Variants in SCD5 observed in about 807,000 individuals in gnomAD.
SCD5 encodes stearoyl-CoA desaturase 5, also known as acyl-CoA-desaturase 4.
SCD5 carries 20 observed loss-of-function variants against 30.4 expected under a neutral mutation model. That is an observed-to-expected ratio of 0.66 (90% CI 0.46 to 0.96). SCD5 has a LOEUF of 0.96. SCD5 is among the 40% of genes least tolerant of loss of function. The pLI, the probability that SCD5 is intolerant of heterozygous loss-of-function variation, is 0.00. For missense variants in SCD5, 381 were observed against 443.3 expected, an observed-to-expected ratio of 0.86 and a Z score of 1.26; for synonymous variants, 173 against 176.4, an observed-to-expected ratio of 0.98 and a Z score of 0.16.
intron 1 of SCD5, among the ~76,000 whole-genome samples, chr4:82,752,852 A>G (rs1021854648): frequency 6.6e-6 from 1 of 152,158 alleles, no homozygotes; most frequent in Admixed American, 6.5e-5. Context: ...CTACCCACCA[A>G]ATACTGCATC....
At chr4:82,643,316 T>C (rs894291836) in intron 3 of SCD5, among the ~76,000 whole-genome samples, 2 of 152,228 alleles carry the variant, frequency 1.3e-5, no homozygotes, top group Non-Finnish European at 2.9e-5. Flanking sequence ...TATGCCCATG[T>C]TGGTAGCAAC....
chr4:82,786,738 G>GC (rs1721995923), intron 1 of SCD5, among the ~76,000 whole-genome samples: 1 of 147,282 alleles, frequency 6.8e-6, no homozygotes, highest in Non-Finnish European at 1.5e-5. Flanking sequence ...GTTGCAGTGA[G>GC]CCGAGATCAC....
intron 3 of SCD5, among the ~76,000 whole-genome samples, chr4:82,679,024 CCT>C (rs2148820766): frequency 6.6e-6 from 1 of 151,486 alleles, no homozygotes; most frequent in African/African-American, 2.4e-5. Context: ...ATGGTGAAAC[CCT>C]GTCTCTACTA....
intron 1 of SCD5, among the ~76,000 whole-genome samples, chr4:82,741,639 C>T (rs1720874825): frequency 6.6e-6 from 1 of 152,102 alleles, no homozygotes; most frequent in Admixed American, 6.5e-5. Context: ...CACACTTTTG[C>T]CTTTGTCTCT....
rs138600962 is a variant in SCD5 at position 82,650,263 on chromosome 4, A to C, written c.570-13440T>G. On this transcript the variant is annotated intron_variant, in intron 3 of 4. Transcript: ENST00000319540. ...AGTCTAATGAGAGAGCTCTATGAGCAGATTATTTTAATATAAAATGATAAG... is the reference window on the plus strand; with the variant it reads ...AGTCTAATGAGAGAGCTCTATGAGCCGATTATTTTAATATAAAATGATAAG... Among the ~76,000 whole-genome samples the C allele has an allele frequency of 2.9e-3, 447 of 152,352 alleles. 3 individuals carry two copies. Among genetic ancestry groups the C allele is most frequent in the African/African-American group, 0.01 (417 of 41,588 alleles).
At chr4:82,636,450 C>T (rs558880583) in intron 4 of SCD5, 141 bp downstream of exon 4, 10 of 545,382 alleles carry the variant, frequency 1.8e-5, no homozygotes, top group African/African-American at 6.4e-5. Context: ...GACTCTATCT[C>T]GGAAAAAAAA....
At chr4:82,743,190 A>G (rs1292932790) in intron 1 of SCD5, among the ~76,000 whole-genome samples, 1 of 152,088 alleles carries the variant, frequency 6.6e-6, no homozygotes, top group Non-Finnish European at 1.5e-5. Context: ...TGTAACTTAG[A>G]GTGACAGGAG....
rs150201803 is a variant in SCD5, at chr4:82,776,123, T to C, written c.232+22183A>G. 17 of 158,690 alleles carry C rather than the reference T, an allele frequency of 1.1e-4. No homozygotes were observed. The East Asian group carries it at 2.8e-3, about 26-fold the overall frequency. 9.8% of individuals were successfully genotyped at this position (158,690 alleles called of 1,614,324 possible). ...TGTAAGAAGCTGAGTCCTTAAGGAC[T>C]GAAGAAAAACTATTCTCTGGAGAAA... On this transcript the variant is annotated intron_variant, in intron 1 of 4. Transcript: ENST00000319540.
intron 2 of SCD5, among the ~76,000 whole-genome samples, chr4:82,698,251 G>C (rs997676193): frequency 2.0e-5 from 3 of 152,190 alleles, no homozygotes; most frequent in Admixed American, 6.5e-5. Context: ...AGAACCCACA[G>C]AGAGCCACAT....
At chr4:82,767,386 C>T (rs1023050974) in intron 1 of SCD5, among the ~76,000 whole-genome samples, 27 of 152,138 alleles carry the variant, frequency 1.8e-4, no homozygotes, top group African/African-American at 6.3e-4. Flanking sequence ...TCTGTCTCCT[C>T]GACTCAAGGA....
At chr4:82,798,071 G>C (rs1722265827) in intron 1 of SCD5, among the ~76,000 whole-genome samples, 1 of 115,116 alleles carries the variant, frequency 8.7e-6, no homozygotes, top group Non-Finnish European at 2.0e-5. Flanking sequence ...CAGGCAGACC[G>C]CGGCGGGGTG....
intron 1 of SCD5, among the ~76,000 whole-genome samples, chr4:82,714,096 T>C (rs1578033999): frequency 2.6e-5 from 4 of 152,328 alleles, no homozygotes; most frequent in Admixed American, 2.6e-4. Context: ...CCTGTCTGTA[T>C]CATCAACACC....
At chr4:82,788,564 T>G (rs1036535849) in intron 1 of SCD5, among the ~76,000 whole-genome samples, 7 of 152,156 alleles carry the variant, frequency 4.6e-5, no homozygotes, top group Non-Finnish European at 8.8e-5. Flanking sequence ...CTAATTTTTG[T>G]ATTTTTAGTA....
intron 2 of SCD5, among the ~76,000 whole-genome samples, chr4:82,700,013 T>G (rs1287930698): frequency 6.6e-6 from 1 of 151,874 alleles, no homozygotes; most frequent in East Asian, 2.0e-4. Context: ...GGCCAGGAGT[T>G]TGAGACCAGC....
intron 1 of SCD5, among the ~76,000 whole-genome samples, chr4:82,797,648 A>G (rs1722253398): frequency 6.6e-6 from 1 of 152,022 alleles, no homozygotes; most frequent in Admixed American, 6.6e-5. Flanking sequence ...CGCTCTCGCC[A>G]TGGGATCGGT....
rs944664694 is a variant in SCD5, at chr4:82,798,521, G to A, written c.17C>T (p.Thr6Ile). Reference protein sequence around the residue: MPGPATDAGKIPFCDA... With the variant: MPGPAIDAGKIPFCDA... Reference sequence around the variant, plus strand: ...GCAGAAAGGGATCTTCCCCGCGTCGGTGGCCGGGCCTGGCATGGCTGGGCG... The same window carrying A: ...GCAGAAAGGGATCTTCCCCGCGTCGATGGCCGGGCCTGGCATGGCTGGGCG... The change falls in exon 1 of 5, where the codon ACC (threonine) becomes ATC (isoleucine). Residue 6 changes from threonine (T) to isoleucine (I), a missense_variant. Transcript: ENST00000319540. 6 of 1,600,662 alleles carry A rather than the reference G, an allele frequency of 3.7e-6. No homozygotes were observed. Among genetic ancestry groups the A allele is most frequent in the Non-Finnish European group, 4.3e-6 (5 of 1,174,292 alleles).
chr4:82,740,948 C>A (rs368124893), intron 1 of SCD5, among the ~76,000 whole-genome samples: 1 of 114,804 alleles, frequency 8.7e-6, no homozygotes, highest in African/African-American at 3.3e-5. Flanking sequence ...TTTTTTTTTT[C>A]TTTTGAGACA....
chr4:82,736,942 A>G (rs750459188), intron 1 of SCD5, among the ~76,000 whole-genome samples: 1 of 152,186 alleles, frequency 6.6e-6, no homozygotes, highest in Non-Finnish European at 1.5e-5. Context: ...TTGGGATTAC[A>G]GGTGTAAGCC....
chr4:82,770,295 T>A (rs911550504), intron 1 of SCD5, among the ~76,000 whole-genome samples: 1 of 152,126 alleles, frequency 6.6e-6, no homozygotes, highest in Non-Finnish European at 1.5e-5. Context: ...CACACCCCAA[T>A]TTATAAGAGA....
Sources: allele counts gnomAD v4.1 joint callset (sites outside exome capture counted in the v4.1 genomes callset), GRCh38; gene constraint gnomAD v4.1.1; transcripts MANE v1.5; gene names NCBI Gene and HGNC (gene_info 2026-07-23, HGNC 2026-07-21).